The following DMD variants were observed in gnomAD, a reference collection of about 807,000 sequenced individuals.
The protein encoded by DMD is mutant dystrophin.
DMD carries 63 observed loss-of-function variants against 330.1 expected under a neutral mutation model. The ratio of observed to expected loss-of-function variants is 0.19; its 90% CI spans 0.16 to 0.24. The LOEUF (loss-of-function observed/expected upper bound fraction) is 0.24. Among genes scored for constraint, DMD ranks in the 10% least tolerant of loss-of-function variants. The probability of loss-of-function intolerance (pLI) is 1.00; values close to 1 mark genes in which losing one functional copy is unlikely to be tolerated. For missense variants in DMD, 3,344 were observed against 2,684.1 expected (o/e 1.25, Z -5.43); for synonymous variants, 1,223 against 959.8 (o/e 1.27, Z -5.07).
intron 55 of DMD, among the ~76,000 whole-genome samples, chrX:31,586,686 T>C (rs1484406483): frequency 8.9e-6 from 1 of 112,367 alleles, no homozygotes; most frequent in Non-Finnish European, 1.9e-5. Flanking sequence ...ATACAGTTCC[T>C]ATGTACCATG....
At chrX:32,071,681 C>CA (rs748101181) in intron 44 of DMD, among the ~76,000 whole-genome samples, 1,539 of 109,499 alleles carry the variant, frequency 0.014, 33 homozygotes, top group African/African-American at 0.047. Flanking sequence ...TCAGAAATAT[C>CA]AAAAAAAAGA....
chrX:33,234,411 G>A, intron 1 of DMD, among the ~76,000 whole-genome samples: 1 of 110,516 alleles, frequency 9.0e-6, no homozygotes, highest in Non-Finnish European at 1.9e-5. Context: ...TTGTGAATGT[G>A]TGACACCTTG....
intron 60 of DMD, among the ~76,000 whole-genome samples, chrX:31,420,994 T>C (rs2063336384): frequency 8.9e-6 from 1 of 112,188 alleles, no homozygotes; most frequent in Non-Finnish European, 1.9e-5. Context: ...AATCAAAGTG[T>C]AATCTCCGCT....
At chrX:31,748,403 A>C (rs1436886974) in intron 51 of DMD, among the ~76,000 whole-genome samples, 2 of 112,220 alleles carry the variant, frequency 1.8e-5, no homozygotes, top group East Asian at 5.6e-4. Context: ...GGAACCTGAG[A>C]GATGCAACTA....
intron 1 of DMD, among the ~76,000 whole-genome samples, chrX:33,262,022 C>T (rs1380391065): frequency 1.8e-5 from 2 of 109,114 alleles, no homozygotes; most frequent in Non-Finnish European, 1.9e-5. Flanking sequence ...GTCTGAAGAA[C>T]ATTTTTAAAT....
chrX:32,550,845 T>C lies in DMD; in HGVS notation c.1993-5511A>G, dbSNP rs144681013. On this transcript the variant is annotated intron_variant, in intron 16 of 78. Coordinates refer to ENST00000357033, the MANE Select transcript of DMD (RefSeq NM_004006.3). ...AAATAGAGAAAACCCTTAGAGACTA[T>C]TCATAATGAACACCCCTATGCACAC... Among the ~76,000 whole-genome samples the C allele has an allele frequency of 4.2e-3, 462 of 110,862 alleles. 3 individuals carry two copies. Among genetic ancestry groups the C allele is most frequent in the African/African-American group, 0.014 (441 of 30,547 alleles).
At chrX:32,819,005 GTTTTTTTTTT>G in intron 5 of DMD, among the ~76,000 whole-genome samples, 1 of 69,840 alleles carries the variant, frequency 1.4e-5, no homozygotes, top group East Asian at 4.5e-4. Flanking sequence ...TTCTACAGGT[GTTTTTTTTTT>G]TTTTTTTTTT....
chrX:31,248,227 G>C (rs2049014203), intron 63 of DMD, among the ~76,000 whole-genome samples: 1 of 112,460 alleles, frequency 8.9e-6, no homozygotes, highest in African/African-American at 3.2e-5. Context: ...ATATGTACTA[G>C]AAAACCAAAA....
intron 1 of DMD, among the ~76,000 whole-genome samples, chrX:33,091,085 G>A (rs955805477): frequency 9.0e-6 from 1 of 110,840 alleles, no homozygotes; most frequent in African/African-American, 3.3e-5. Flanking sequence ...CTCAGTCCAG[G>A]ACTGAGAAAT....
intron 9 of DMD, among the ~76,000 whole-genome samples, chrX:32,677,838 A>T (rs1287233501): frequency 1.8e-5 from 2 of 111,937 alleles, no homozygotes; most frequent in Non-Finnish European, 3.8e-5. Flanking sequence ...AAAAATAGTC[A>T]CGATGTGGGA....
chrX:31,579,190 AC>A (rs1318275942), intron 55 of DMD, among the ~76,000 whole-genome samples: 2 of 112,288 alleles, frequency 1.8e-5, no homozygotes, highest in Non-Finnish European at 3.8e-5. Context: ...AGATCTGGAG[AC>A]CAGAAGATGT....
chrX:32,731,558 G>C (rs920976246), intron 7 of DMD, among the ~76,000 whole-genome samples: 1 of 112,329 alleles, frequency 8.9e-6, no homozygotes, highest in Non-Finnish European at 1.9e-5. Flanking sequence ...TACGCAGCTG[G>C]AGATCTGAGA....
intron 19 of DMD, among the ~76,000 whole-genome samples, chrX:32,499,667 A>C (rs2043845662): frequency 9.0e-6 from 1 of 111,482 alleles, no homozygotes; most frequent in South Asian, 3.7e-4. Context: ...CTTTAATGCA[A>C]TAATTGCTGG....
At chrX:32,953,197 C>T (rs887899288) in intron 2 of DMD, among the ~76,000 whole-genome samples, 1 of 107,613 alleles carries the variant, frequency 9.3e-6, no homozygotes, top group African/African-American at 3.4e-5. Flanking sequence ...CTGTATCAGA[C>T]CAGACTCATT....
chrX:32,371,944 T>G (rs2097880261), intron 34 of DMD, among the ~76,000 whole-genome samples: 1 of 111,752 alleles, frequency 8.9e-6, no homozygotes, highest in African/African-American at 3.2e-5. Flanking sequence ...TCATGCTTAT[T>G]GTGAATAAGT....
Position 32,454,781 on chromosome X carries a change from G to A in DMD, c.3484C>T (p.Leu1162Phe), listed in dbSNP as rs2098349210. 8.3e-7 allele frequency: 1 copy of A among 1,206,700 alleles called. No homozygotes were observed. Among genetic ancestry groups the A allele is most frequent in the East Asian group, 3.0e-5 (1 of 33,697 alleles). The stretch of plus-strand genomic sequence containing the variant: ...TGCATCTCTGATAGATCTTTCTGGA[G>A]GCTTACAGTTTTCTCCAAACCTCCC... ...LKGGLEKTVS[L>F]QKDLSEMHEW... Residue 1162 changes from leucine to phenylalanine, a missense_variant, in exon 26 of 79, where the codon CTC becomes TTC. Transcript: ENST00000357033.
At chrX:31,761,481 C>A (rs973385519) in intron 51 of DMD, among the ~76,000 whole-genome samples, 2 of 112,011 alleles carry the variant, frequency 1.8e-5, no homozygotes, top group East Asian at 5.6e-4. Flanking sequence ...TCTAAACAGA[C>A]TATATTACTT....
At chrX:33,119,244 A>C in intron 1 of DMD, among the ~76,000 whole-genome samples, 1 of 112,363 alleles carries the variant, frequency 8.9e-6, no homozygotes, top group Non-Finnish European at 1.9e-5. Flanking sequence ...TGTTTTATAT[A>C]TATATATACA....
chrX:33,297,194 T>C (rs936785245), intron 1 of DMD, among the ~76,000 whole-genome samples: 2 of 111,740 alleles, frequency 1.8e-5, no homozygotes, highest in Non-Finnish European at 3.8e-5. Context: ...TATCTTTTTT[T>C]CCAAAAATAT....
Sources: gnomAD v4.1 joint callset for allele counts (sites outside exome capture counted in the v4.1 genomes callset) on GRCh38, gnomAD v4.1.1 for gene constraint, MANE v1.5 for transcripts, NCBI Gene and HGNC (gene_info 2026-07-23, HGNC 2026-07-21) for gene names.